USH2A: variants seen among roughly 807,000 people sequenced by gnomAD.
USH2A encodes usherin.
USH2A carries 443 observed loss-of-function variants against 538.9 expected under a neutral mutation model. The ratio of observed to expected loss-of-function variants is 0.82; its 90% confidence interval spans 0.76 to 0.89. USH2A has a LOEUF of 0.89. USH2A is among the 40% of genes least tolerant of loss of function. USH2A has a pLI of 0.00. For synonymous variants in USH2A, 2,413 were observed against 2,273.5 expected (o/e 1.06, Z -1.75); for missense variants, 6,633 against 6,324.8 (o/e 1.05, Z -1.65).
chr1:215,680,971 A>C (rs1287128857), intron 61 of USH2A, among the ~76,000 whole-genome samples: 1 of 152,214 alleles, frequency 6.6e-6, no homozygotes, highest in East Asian at 1.9e-4. Flanking sequence ...ACACCCTTAG[A>C]GAAGTCTATT....
At chr1:215,940,912 T>C (rs985155094) in intron 37 of USH2A, among the ~76,000 whole-genome samples, 4 of 152,174 alleles carry the variant, frequency 2.6e-5, no homozygotes, top group African/African-American at 9.6e-5. Context: ...TTGTCCTGGT[T>C]GTGCCCATAC....
chr1:216,033,255 T>A (rs1669170814), intron 32 of USH2A, among the ~76,000 whole-genome samples: 1 of 152,212 alleles, frequency 6.6e-6, no homozygotes, highest in African/African-American at 2.4e-5. Flanking sequence ...AATAAACTTT[T>A]ATTGTGTTTT....
At chr1:216,073,344 C>T (rs1268771251) in intron 27 of USH2A, 44 bp from the exon 28 acceptor site, 1 of 1,590,912 alleles carries the variant, frequency 6.3e-7, no homozygotes, top group African/African-American at 1.3e-5. Flanking sequence ...GGGCTTGAGT[C>T]ATTAATTACC....
chr1:216,248,317 TA>T (rs1248409477), intron 12 of USH2A, among the ~76,000 whole-genome samples: 1 of 151,928 alleles, frequency 6.6e-6, no homozygotes, highest in African/African-American at 2.4e-5. Context: ...GGCAAAGAAA[TA>T]AAAAAATTAG....
In USH2A at chr1:216,204,047, C is replaced by A. The variant is rs571135117; in HGVS notation, c.3316+3226G>T. On this transcript the variant is annotated intron_variant, in intron 16 of 71. Transcript: ENST00000307340. ...TCCTGCAGGAAAAAGGATATAGTCT[C>A]TAATCTGACTTTCATCAGTAATGAA... 1.8e-5 allele frequency: 3 copies of A among 162,744 alleles called. No homozygotes were observed. In the South Asian group the frequency reaches 6.2e-4, roughly 34 times the overall value. The allele number at this position is 162,744 out of a possible 1,614,324, so 10.1% of individuals were successfully genotyped here.
intron 38 of USH2A, among the ~76,000 whole-genome samples, chr1:215,901,704 T>TAA (rs1420662212): frequency 6.6e-6 from 1 of 152,166 alleles, no homozygotes; most frequent in Non-Finnish European, 1.5e-5. Context: ...CAGGAATGTG[T>TAA]AAAACTAAAG....
chr1:216,378,085 T>C (rs2038869442), intron 3 of USH2A, among the ~76,000 whole-genome samples: 1 of 151,974 alleles, frequency 6.6e-6, no homozygotes, highest in Admixed American at 6.6e-5. Context: ...GAAAAAAATT[T>C]CTTGGTGGGA....
chr1:216,073,030 T>A (rs2031611628), intron 28 of USH2A, 61 bp from the exon 29 acceptor site: 2 of 1,612,154 alleles, frequency 1.2e-6, no homozygotes, highest in African/African-American at 1.3e-5. Flanking sequence ...AATGAGGGGC[T>A]GGCAGGGAGG....
At chr1:215,950,537 C>T (rs1409475605) in intron 37 of USH2A, among the ~76,000 whole-genome samples, 1 of 145,018 alleles carries the variant, frequency 6.9e-6, no homozygotes, top group African/African-American at 2.6e-5. Flanking sequence ...GACAGAGTCT[C>T]GCTCTGTCAC....
intron 61 of USH2A, among the ~76,000 whole-genome samples, chr1:215,702,381 G>A (rs990126938): frequency 3.3e-5 from 5 of 152,040 alleles, no homozygotes; most frequent in Non-Finnish European, 7.3e-5. Flanking sequence ...GCTAGATTGG[G>A]GAAGTTCTCC....
intron 37 of USH2A, among the ~76,000 whole-genome samples, chr1:215,951,781 T>A (rs1440573526): frequency 6.6e-6 from 1 of 152,230 alleles, no homozygotes; most frequent in African/African-American, 2.4e-5. Context: ...GCTCTTCTTG[T>A]TGAATTGATC....
At chr1:215,643,228 C>A (rs188858165) in intron 67 of USH2A, among the ~76,000 whole-genome samples, 24 of 152,156 alleles carry the variant, frequency 1.6e-4, no homozygotes, top group Admixed American at 1.4e-3. Context: ...AAACTCCTGA[C>A]GTCAAGTGAT....
At chr1:216,030,363 AAT>A (rs1327973565) in intron 32 of USH2A, among the ~76,000 whole-genome samples, 4 of 135,534 alleles carry the variant, frequency 3.0e-5, no homozygotes, top group Non-Finnish European at 4.5e-5. Context: ...ACAGATATAT[AAT>A]ATATATGATA....
At chr1:216,243,918 G>T (rs2035983584) in intron 13 of USH2A, among the ~76,000 whole-genome samples, 1 of 152,074 alleles carries the variant, frequency 6.6e-6, no homozygotes, top group South Asian at 2.1e-4. Flanking sequence ...AATGAGATCT[G>T]TATTATTATT....
At chr1:216,270,372 G>T (rs111577277) in intron 11 of USH2A, among the ~76,000 whole-genome samples, 38 of 152,248 alleles carry the variant, frequency 2.5e-4, no homozygotes, top group African/African-American at 8.2e-4. Flanking sequence ...AAATATAAAT[G>T]AGGGCAAAAG....
At chr1:215,965,092 C>T (rs1242606729) in intron 37 of USH2A, among the ~76,000 whole-genome samples, 3 of 152,100 alleles carry the variant, frequency 2.0e-5, no homozygotes, top group Non-Finnish European at 4.4e-5. Context: ...AGAAGCTCTA[C>T]AACGTACATT....
chr1:215,999,094 A>G (rs756361733), intron 33 of USH2A, 36 bp from the exon 34 acceptor site: 22 of 1,551,416 alleles, frequency 1.4e-5, no homozygotes, highest in Non-Finnish European at 1.8e-5. Flanking sequence ...TCATTCATTC[A>G]AGTCAAAACT....
chr1:216,187,934 A>T (rs953572317), intron 20 of USH2A, among the ~76,000 whole-genome samples: 3 of 151,994 alleles, frequency 2.0e-5, no homozygotes, highest in African/African-American at 7.2e-5. Context: ...ATTTTGGCTA[A>T]CCATTTTTTT....
At chr1:216,230,234 C>T (rs1398023330) in intron 14 of USH2A, among the ~76,000 whole-genome samples, 1 of 152,108 alleles carries the variant, frequency 6.6e-6, no homozygotes, top group East Asian at 1.9e-4. Flanking sequence ...ACTGGGGAAT[C>T]TGTAGAATAT....
Sources: allele counts gnomAD v4.1 joint callset (sites outside exome capture counted in the v4.1 genomes callset), GRCh38; gene constraint gnomAD v4.1.1; transcripts MANE v1.5; gene names NCBI Gene and HGNC (gene_info 2026-07-23, HGNC 2026-07-21).